Variants in MDFIC2 observed in about 807,000 individuals in gnomAD.
MDFIC2 encodes the protein myoD family inhibitor domain-containing protein 2.
chr3:70,285,520 G>T (rs547249525), intron 2 of MDFIC2, among the ~76,000 whole-genome samples: 3 of 151,832 alleles, frequency 2.0e-5, no homozygotes, highest in Non-Finnish European at 4.4e-5. Context: ...ATAAAAATAC[G>T]TGTGCATGTG....
At chr3:70,236,417 T>A (rs1212001546) in intron 2 of MDFIC2, among the ~76,000 whole-genome samples, 1 of 152,230 alleles carries the variant, frequency 6.6e-6, no homozygotes, top group Non-Finnish European at 1.5e-5. Flanking sequence ...TCTAAAGAGT[T>A]CTACCTGCCT....
At chr3:70,226,536 G>A (rs1176494248) in intron 2 of MDFIC2, among the ~76,000 whole-genome samples, 3 of 152,134 alleles carry the variant, frequency 2.0e-5, no homozygotes, top group East Asian at 3.9e-4. Context: ...TCAGGAGTTC[G>A]AGACCAGCCT....
chr3:70,204,090 A>G (rs568368742), intron 3 of MDFIC2, among the ~76,000 whole-genome samples: 5 of 152,322 alleles, frequency 3.3e-5, no homozygotes, highest in African/African-American at 9.6e-5. Flanking sequence ...CAAAATCTGC[A>G]TGTGTGAGGC....
intron 2 of MDFIC2, among the ~76,000 whole-genome samples, chr3:70,257,518 G>C (rs1319861824): frequency 2.6e-5 from 4 of 152,020 alleles, no homozygotes; most frequent in African/African-American, 9.7e-5. Context: ...GGAAGGAAGG[G>C]AGGGAGAACT....
At chr3:70,274,007 C>T (rs963765876) in intron 2 of MDFIC2, among the ~76,000 whole-genome samples, 1 of 150,534 alleles carries the variant, frequency 6.6e-6, no homozygotes, top group African/African-American at 2.5e-5. Context: ...TCTCTCAAAA[C>T]TAAGATGCCA....
At chr3:70,262,456 C>T (rs898162933) in intron 2 of MDFIC2, among the ~76,000 whole-genome samples, 2 of 152,038 alleles carry the variant, frequency 1.3e-5, no homozygotes, top group African/African-American at 4.8e-5. Context: ...TGAAATAAGA[C>T]CAGTTATAGT....
intron 2 of MDFIC2, among the ~76,000 whole-genome samples, chr3:70,304,432 A>T (rs957211450): frequency 6.6e-6 from 1 of 152,174 alleles, no homozygotes; most frequent in East Asian, 1.9e-4. Flanking sequence ...GATACCTCAG[A>T]GGCATTTCAC....
chr3:70,289,331 C>T (rs1702203436), intron 2 of MDFIC2, among the ~76,000 whole-genome samples: 1 of 151,130 alleles, frequency 6.6e-6, no homozygotes, highest in South Asian at 2.1e-4. Context: ...CTTAGTTTGG[C>T]TGGATATGAA....
chr3:70,225,054 C>G (rs1701490786), intron 2 of MDFIC2, among the ~76,000 whole-genome samples: 1 of 152,084 alleles, frequency 6.6e-6, no homozygotes, highest in African/African-American at 2.4e-5. Flanking sequence ...ATATATTTCT[C>G]TAATATATCT....
chr3:70,267,505 C>A (rs1006764425), intron 2 of MDFIC2, among the ~76,000 whole-genome samples: 97 of 149,352 alleles, frequency 6.5e-4, no homozygotes, highest in African/African-American at 2.2e-3. Context: ...TGGGCTCACG[C>A]CCTTCTCCTG....
chr3:70,227,265 C>G (rs1295019758), intron 2 of MDFIC2, among the ~76,000 whole-genome samples: 2 of 152,188 alleles, frequency 1.3e-5, no homozygotes, highest in Non-Finnish European at 2.9e-5. Context: ...AAATTAATCT[C>G]TAAACCTATT....
chr3:70,262,186 T>G (rs1381509993), intron 2 of MDFIC2, among the ~76,000 whole-genome samples: 1 of 152,068 alleles, frequency 6.6e-6, no homozygotes, highest in Admixed American at 6.6e-5. Flanking sequence ...CAAATAAAGA[T>G]GAAAGAACAA....
chr3:70,243,422 C>G (rs1403981894), intron 2 of MDFIC2, among the ~76,000 whole-genome samples: 1 of 152,202 alleles, frequency 6.6e-6, no homozygotes. Context: ...CTGTGTGCAG[C>G]AGCTGCACTG....
intron 2 of MDFIC2, among the ~76,000 whole-genome samples, chr3:70,207,027 T>C (rs2106724820): frequency 7.0e-6 from 1 of 143,002 alleles, no homozygotes. Context: ...GTAACACTTA[T>C]TTCTACTTTT....
At chr3:70,281,514 TA>T (rs1168888968) in intron 2 of MDFIC2, among the ~76,000 whole-genome samples, 9 of 152,294 alleles carry the variant, frequency 5.9e-5, no homozygotes, top group Non-Finnish European at 8.8e-5. Context: ...TCTTTAATAG[TA>T]GTGGAGGTGA....
intron 2 of MDFIC2, among the ~76,000 whole-genome samples, chr3:70,293,947 A>T (rs1478352506): frequency 6.6e-6 from 1 of 152,070 alleles, no homozygotes; most frequent in African/African-American, 2.4e-5. Context: ...TTATCTGATG[A>T]CAGAGGGAGC....
chr3:70,211,969 A>T (rs745890404), intron 2 of MDFIC2, among the ~76,000 whole-genome samples: 1 of 150,480 alleles, frequency 6.6e-6, no homozygotes, highest in Non-Finnish European at 1.5e-5. Flanking sequence ...CATCTCCATT[A>T]TCAGCTTCTG....
intron 2 of MDFIC2, among the ~76,000 whole-genome samples, chr3:70,208,084 A>G (rs1701309558): frequency 6.6e-6 from 1 of 152,082 alleles, no homozygotes; most frequent in Non-Finnish European, 1.5e-5. Flanking sequence ...TGTTAGAGAG[A>G]GGACCAGACT....
chr3:70,243,351 G>A (rs1701678791), intron 2 of MDFIC2, among the ~76,000 whole-genome samples: 2 of 151,932 alleles, frequency 1.3e-5, no homozygotes, highest in Admixed American at 6.6e-5. Flanking sequence ...GTTGTATTTG[G>A]CTCAACTGTT....
Sources: gnomAD v4.1 joint callset for allele counts (sites outside exome capture counted in the v4.1 genomes callset) on GRCh38, gnomAD v4.1.1 for gene constraint, MANE v1.5 for transcripts, NCBI Gene and HGNC (gene_info 2026-07-23, HGNC 2026-07-21) for gene names.